The following MATCAP2 variants were observed in gnomAD, a reference collection of about 807,000 sequenced individuals.
MATCAP2 encodes putative tyrosine carboxypeptidase MATCAP2.
the MATCAP2 span, among the ~76,000 whole-genome samples, chr7:36,340,176 G>C: frequency 3.9e-5 from 6 of 152,112 alleles, no homozygotes; most frequent in Non-Finnish European, 8.8e-5. Context: ...CCTGCTTATA[G>C]GTCTTTTAAA....
the MATCAP2 span, chr7:36,383,932 TA>T: frequency 6.5e-7 from 1 of 1,547,744 alleles, no homozygotes; most frequent in Non-Finnish European, 8.8e-7. Context: ...TCTCTCCCTG[TA>T]AAAATAAAAA....
At chr7:36,353,433 G>A in the MATCAP2 span, among the ~76,000 whole-genome samples, 1 of 151,204 alleles carries the variant, frequency 6.6e-6, no homozygotes, top group South Asian at 2.1e-4. Flanking sequence ...CCTTGGGGGA[G>A]AATAGAGGGG....
chr7:36,366,952 G>A, the MATCAP2 span: 6 of 1,355,526 alleles, frequency 4.4e-6, no homozygotes, highest in East Asian at 6.1e-5. Context: ...GTCGCCCCGA[G>A]GCCCGGGGCG....
the MATCAP2 span, among the ~76,000 whole-genome samples, chr7:36,359,950 G>A: frequency 6.6e-6 from 1 of 152,118 alleles, no homozygotes; most frequent in Non-Finnish European, 1.5e-5. Context: ...AAGACTGAAA[G>A]AACTCAAATA....
the MATCAP2 span, among the ~76,000 whole-genome samples, chr7:36,375,938 C>T: frequency 1.3e-5 from 2 of 152,066 alleles, no homozygotes; most frequent in African/African-American, 4.8e-5. Flanking sequence ...GGTGATATCC[C>T]CTTTATCATT....
the MATCAP2 span, chr7:36,366,980 AG>A: frequency 3.7e-6 from 5 of 1,336,050 alleles, no homozygotes; most frequent in African/African-American, 6.2e-5. Context: ...CCGCGGGCTC[AG>A]GGGAAAGGGC....
At chr7:36,387,524 A>G in the MATCAP2 span, among the ~76,000 whole-genome samples, 1 of 152,318 alleles carries the variant, frequency 6.6e-6, no homozygotes, top group South Asian at 2.1e-4. Context: ...TTAAGAATGA[A>G]AGGAGGTATA....
the MATCAP2 span, chr7:36,368,157 T>C: frequency 6.6e-6 from 1 of 152,158 alleles, no homozygotes; most frequent in Non-Finnish European, 1.5e-5. Flanking sequence ...GAGGCAGGCT[T>C]TGAGGATATC....
At chr7:36,336,915 T>TTTAGTAAA in the MATCAP2 span, among the ~76,000 whole-genome samples, 1 of 151,238 alleles carries the variant, frequency 6.6e-6, no homozygotes, top group Non-Finnish European at 1.5e-5. Flanking sequence ...GTCCACATGG[T>TTTAGTAAA]GAAACCCTGT....
the MATCAP2 span, among the ~76,000 whole-genome samples, chr7:36,339,419 G>C: frequency 6.6e-6 from 1 of 152,224 alleles, no homozygotes; most frequent in African/African-American, 2.4e-5. Context: ...CACTGGCGTG[G>C]CATGGGAACT....
At chr7:36,366,728 G>A in the MATCAP2 span, 299 of 1,535,376 alleles carry the variant, frequency 1.9e-4, no homozygotes, top group Non-Finnish European at 2.5e-4. Context: ...GAAAGGATAA[G>A]GGGCCGATTT....
At chr7:36,352,700 C>T in the MATCAP2 span, among the ~76,000 whole-genome samples, 1 of 151,452 alleles carries the variant, frequency 6.6e-6, no homozygotes. Context: ...GGCATCATGG[C>T]GGGTGCCCAT....
At chr7:36,333,709 G>T in the MATCAP2 span, 2 of 623,074 alleles carry the variant, frequency 3.2e-6, no homozygotes, top group Non-Finnish European at 5.3e-6. Flanking sequence ...AAGAAAATGT[G>T]GTTTGGGAAA....
At chr7:36,332,283 C>T in the MATCAP2 span, among the ~76,000 whole-genome samples, 55 of 151,972 alleles carry the variant, frequency 3.6e-4, no homozygotes, top group Admixed American at 3.5e-3. Context: ...CAAAAATGCC[C>T]TTGAAAAAAA....
chr7:36,360,128 C>T, the MATCAP2 span, among the ~76,000 whole-genome samples: 4 of 152,098 alleles, frequency 2.6e-5, no homozygotes, highest in Admixed American at 6.6e-5. Flanking sequence ...TGATTCATTA[C>T]ATATATGTTG....
chr7:36,324,345 A>G, the MATCAP2 span: 1 of 152,246 alleles, frequency 6.6e-6, no homozygotes, highest in Admixed American at 6.5e-5. Flanking sequence ...AATGAAGACT[A>G]TGGATTTATG....
chr7:36,338,803 A>G, the MATCAP2 span, among the ~76,000 whole-genome samples: 36 of 152,342 alleles, frequency 2.4e-4, 1 homozygote, highest in South Asian at 7.2e-3. Context: ...CATCTATGTA[A>G]TAAGAACCTT....
chr7:36,338,360 C>T, the MATCAP2 span, among the ~76,000 whole-genome samples: 1 of 151,880 alleles, frequency 6.6e-6, no homozygotes, highest in African/African-American at 2.4e-5. Flanking sequence ...CACAGTAGCG[C>T]GATCATGGCT....
At chr7:36,378,997 A>G in the MATCAP2 span, among the ~76,000 whole-genome samples, 1 of 152,198 alleles carries the variant, frequency 6.6e-6, no homozygotes, top group Non-Finnish European at 1.5e-5. Flanking sequence ...TTCCTGGTAC[A>G]TACTGTCACA....
Sources: gnomAD v4.1 joint callset for allele counts (sites outside exome capture counted in the v4.1 genomes callset) on GRCh38, gnomAD v4.1.1 for gene constraint, MANE v1.5 for transcripts, NCBI Gene and HGNC (gene_info 2026-07-23, HGNC 2026-07-21) for gene names.